KIAA1549L: variants seen among roughly 807,000 people sequenced by gnomAD.
KIAA1549L encodes UPF0606 protein KIAA1549L.
KIAA1549L carries 88 observed loss-of-function variants against 160.7 expected under a neutral mutation model. The observed-to-expected ratio is 0.55, with a 90% CI of 0.46 to 0.65. KIAA1549L has a LOEUF of 0.65. Ranked by LOEUF, KIAA1549L falls within the 30% of genes least tolerant of loss-of-function variation. The probability of loss-of-function intolerance (pLI) is 0.00; values close to 1 mark genes in which losing one functional copy is unlikely to be tolerated. For missense variants in KIAA1549L, 2,258 were observed against 2,437.5 expected, an observed-to-expected ratio of 0.93 and a Z score of 1.55; for synonymous variants, 950 against 976.7, an observed-to-expected ratio of 0.97 and a Z score of 0.51.
intron 1 of KIAA1549L, among the ~76,000 whole-genome samples, chr11:33,450,240 T>C (rs896539536): frequency 3.3e-5 from 5 of 152,060 alleles, no homozygotes; most frequent in African/African-American, 1.2e-4. Flanking sequence ...GGGCTTTCCA[T>C]TTAGGTGCAA....
intron 1 of KIAA1549L, among the ~76,000 whole-genome samples, chr11:33,415,892 G>T (rs1590229576): frequency 1.3e-5 from 2 of 150,862 alleles, no homozygotes; most frequent in African/African-American, 4.9e-5. Context: ...GGAGTGCAGT[G>T]GCGTGATCTC....
At chr11:33,622,537 T>TAGGC (rs1438294006) in intron 16 of KIAA1549L, among the ~76,000 whole-genome samples, 2 of 152,098 alleles carry the variant, frequency 1.3e-5, no homozygotes, top group African/African-American at 4.8e-5. Context: ...TCCAGCAGCC[T>TAGGC]AGGCAGCAGA....
chr11:33,545,131 A>G lies in KIAA1549L; in HGVS notation c.3138A>G (p.Gln1046=), dbSNP rs1368639089. 6.2e-7 allele frequency: 1 copy of G among 1,613,954 alleles called. No homozygotes were observed. Among genetic ancestry groups the G allele is most frequent in the Non-Finnish European group, 8.5e-7 (1 of 1,179,870 alleles). Residue 1046 remains glutamine, a synonymous_variant, in exon 3 of 21, where the codon CAA becomes CAG. Coordinates refer to ENST00000658780, the MANE Select transcript of KIAA1549L (RefSeq NM_012194.3). ...LSTTYLPRKP[Q]AMHTGLPNPT... ...CAACTTACCTCCCCAGGAAACCACA[A>G]GCCATGCACACCGGCCTCCCAAACC...
chr11:33,478,343 G>A (rs1852335548), intron 1 of KIAA1549L, among the ~76,000 whole-genome samples: 1 of 152,228 alleles, frequency 6.6e-6, no homozygotes, highest in Non-Finnish European at 1.5e-5. Flanking sequence ...AAAGGTTTCT[G>A]CAAAGCTATG....
chr11:33,519,789 C>T (rs1853435486), intron 1 of KIAA1549L, among the ~76,000 whole-genome samples: 1 of 152,106 alleles, frequency 6.6e-6, no homozygotes, highest in Non-Finnish European at 1.5e-5. Context: ...CAGACAAGCC[C>T]CTCACAACCT....
chr11:33,455,222 C>CT (rs1245467844), intron 1 of KIAA1549L, among the ~76,000 whole-genome samples: 1 of 152,242 alleles, frequency 6.6e-6, no homozygotes, highest in Non-Finnish European at 1.5e-5. Context: ...AGACAGTTCT[C>CT]TCCATTGCCA....
chr11:33,574,595 C>T, intron 9 of KIAA1549L, 107 bp from the exon 10 acceptor site: 2 of 1,058,396 alleles, frequency 1.9e-6, no homozygotes, highest in Non-Finnish European at 2.7e-6. Flanking sequence ...GGCGTCTAGC[C>T]ACAGAAGTCT....
chr11:33,531,502 G>A (rs1362244059), intron 1 of KIAA1549L, among the ~76,000 whole-genome samples: 1 of 152,150 alleles, frequency 6.6e-6, no homozygotes, highest in Non-Finnish European at 1.5e-5. Flanking sequence ...ATAAAATGGG[G>A]AGGGAGAGGT....
chr11:33,457,279 G>A (rs1442107762), intron 1 of KIAA1549L, among the ~76,000 whole-genome samples: 1 of 152,166 alleles, frequency 6.6e-6, no homozygotes, highest in East Asian at 1.9e-4. Context: ...AGTGTGTGGT[G>A]GGCTCAAGGT....
At chr11:33,637,255 A>G (rs1028718450) in intron 16 of KIAA1549L, among the ~76,000 whole-genome samples, 1 of 151,712 alleles carries the variant, frequency 6.6e-6, no homozygotes, top group Non-Finnish European at 1.5e-5. Flanking sequence ...GAACTCACCT[A>G]CCCCTTGTCT....
chr11:33,506,244 T>G lies in KIAA1549L; in HGVS notation c.239-35558T>G, dbSNP rs73488960. 8.6e-3 allele frequency among the ~76,000 whole-genome samples: 1,311 copies of G among 152,330 alleles called. 22 individuals carry two copies. Among genetic ancestry groups the G allele is most frequent in the African/African-American group, 0.03 (1,253 of 41,584 alleles). On this transcript the variant is annotated intron_variant, in intron 1 of 20. Coordinates refer to ENST00000658780, the MANE Select transcript of KIAA1549L (RefSeq NM_012194.3). Reference sequence around the variant, plus strand: ...CTCTGCCCTTTATCAGTTGGCCTTTTAATGGGGAGGGGATGCCCAGTTTCC... The same window carrying G: ...CTCTGCCCTTTATCAGTTGGCCTTTGAATGGGGAGGGGATGCCCAGTTTCC...
chr11:33,559,607 T>C (rs2076627), intron 6 of KIAA1549L, 142 bp from the exon 7 acceptor site: 404,412 of 665,916 alleles, frequency 0.61, 123,724 homozygotes, highest in East Asian at 0.65. Context: ...CGGTTACTCT[T>C]GTCTGTTCCT....
chr11:33,657,640 T>C (rs1852112237), intron 18 of KIAA1549L, among the ~76,000 whole-genome samples: 1 of 151,968 alleles, frequency 6.6e-6, no homozygotes, highest in Non-Finnish European at 1.5e-5. Context: ...ACACTAAAAA[T>C]ACAAAAATTA....
intron 1 of KIAA1549L, among the ~76,000 whole-genome samples, chr11:33,457,390 A>C (rs942038700): frequency 9.9e-5 from 15 of 152,184 alleles, no homozygotes; most frequent in African/African-American, 3.6e-4. Flanking sequence ...GTGCAGCCTC[A>C]ACAACCCTGA....
intron 10 of KIAA1549L, among the ~76,000 whole-genome samples, chr11:33,582,493 A>G (rs1178319729): frequency 4.6e-5 from 7 of 152,214 alleles, no homozygotes; most frequent in Non-Finnish European, 1.0e-4. Context: ...TAGATTGCCA[A>G]TATATTAATT....
At chr11:33,389,951 G>C (rs1442142830) in intron 1 of KIAA1549L, among the ~76,000 whole-genome samples, 1 of 152,230 alleles carries the variant, frequency 6.6e-6, no homozygotes, top group Non-Finnish European at 1.5e-5. Flanking sequence ...CTCAGGCCAT[G>C]GGGGAATCCC....
Position 33,497,444 on chromosome 11 carries a change from C to T in KIAA1549L, c.239-44358C>T, listed in dbSNP as rs564113008. 3.3e-5 allele frequency among the ~76,000 whole-genome samples: 5 copies of T among 152,142 alleles called. No individual in the cohort carries two copies. In the East Asian group the frequency reaches 7.7e-4, roughly 23 times the overall value. On this transcript the variant is annotated intron_variant, in intron 1 of 20. Transcript: ENST00000658780. ...TAATAAAACTCGTTTGTCTTGGGGC[C>T]CCATTTAGGTATGATGTCCTTTTTG... is the stretch of plus-strand genomic sequence containing the variant.
At position 33,645,683 on chromosome 11, in the gene KIAA1549L, C is replaced by T. The variant is rs1300780672; in HGVS notation, c.5410-3C>T. ...CATCAATGGGCTTTGTTTCCTCCCACAGACTGAGCCTGAAATCATAGAGGA... is the reference window on the plus strand; with the variant it reads ...CATCAATGGGCTTTGTTTCCTCCCATAGACTGAGCCTGAAATCATAGAGGA... On this transcript the variant is annotated splice_polypyrimidine_tract_variant and splice_region_variant and intron_variant, in intron 16 of 20. Coordinates refer to ENST00000658780, the MANE Select transcript of KIAA1549L (RefSeq NM_012194.3). 6.2e-6 allele frequency: 10 copies of T among 1,608,284 alleles called. No individual in the cohort carries two copies. The highest frequency in any genetic ancestry group is 1.6e-4 in the Middle Eastern group (1 of 6,066).
chr11:33,412,329 G>T (rs1233547202), intron 1 of KIAA1549L, among the ~76,000 whole-genome samples: 2 of 152,174 alleles, frequency 1.3e-5, no homozygotes, highest in Admixed American at 1.3e-4. Context: ...TTATATGAAT[G>T]ACTCCTGTTG....
Sources: allele counts gnomAD v4.1 joint callset (sites outside exome capture counted in the v4.1 genomes callset), GRCh38; gene constraint gnomAD v4.1.1; transcripts MANE v1.5; gene names NCBI Gene and HGNC (gene_info 2026-07-23, HGNC 2026-07-21).